Variants in ATP7A observed in about 807,000 individuals in gnomAD.
ATP7A encodes the protein copper-transporting ATPase 1.
A neutral mutation model predicts 83.5 loss-of-function variants in ATP7A; 7 were observed. The ratio of observed to expected loss-of-function variants is 0.08; its 90% CI spans 0.05 to 0.16. ATP7A has a LOEUF of 0.16. Among genes scored for constraint, ATP7A ranks in the 10% least tolerant of loss-of-function variants. The pLI is 1.00. For missense variants in ATP7A, 940 were observed against 1,120.8 expected, an observed-to-expected ratio of 0.84 and a Z score of 2.30; for synonymous variants, 354 against 395.2, an observed-to-expected ratio of 0.90 and a Z score of 1.24.
At chrX:78,025,988 T>C (rs782185379) in intron 14 of ATP7A, among the ~76,000 whole-genome samples, 13 of 111,359 alleles carry the variant, frequency 1.2e-4, no homozygotes, top group South Asian at 3.7e-4. Flanking sequence ...CAAAAACATA[T>C]ATAAATACAA....
At chrX:77,992,833 T>C (rs782773471) in intron 4 of ATP7A, among the ~76,000 whole-genome samples, 1 of 111,938 alleles carries the variant, frequency 8.9e-6, no homozygotes, top group East Asian at 2.8e-4. Flanking sequence ...ACGCTGGTCT[T>C]GAACTCCTGA....
chrX:77,919,687 C>T (rs1184053215), intron 1 of ATP7A, among the ~76,000 whole-genome samples: 1 of 112,020 alleles, frequency 8.9e-6, no homozygotes, highest in African/African-American at 3.2e-5. Context: ...GGGGTTTCAC[C>T]ATGTTGGCCA....
intron 2 of ATP7A, among the ~76,000 whole-genome samples, chrX:77,980,606 C>A (rs1406985171): frequency 1.8e-5 from 2 of 111,463 alleles, no homozygotes; most frequent in Non-Finnish European, 3.8e-5. Context: ...ATTCCTCTCC[C>A]AAGGAAAACC....
intron 1 of ATP7A, among the ~76,000 whole-genome samples, chrX:77,942,259 T>C (rs1317514889): frequency 5.3e-5 from 6 of 112,288 alleles, no homozygotes; most frequent in Non-Finnish European, 9.4e-5. Context: ...CCTCTGTAAT[T>C]GCTCATCCAT....
intron 17 of ATP7A, among the ~76,000 whole-genome samples, chrX:78,037,550 G>A (rs1363585671): frequency 2.7e-5 from 3 of 111,311 alleles, no homozygotes; most frequent in Non-Finnish European, 3.8e-5. Flanking sequence ...GAAAGAGAGA[G>A]TTAAGTACTG....
Position 78,048,012 on chromosome X carries a change from A to T in ATP7A, c.*1442A>T, listed in dbSNP as rs1189685164. 8.9e-6 allele frequency: 1 copy of T among 112,571 alleles called. No homozygotes were observed. Among genetic ancestry groups the T allele is most frequent in the African/African-American group, 3.2e-5 (1 of 31,026 alleles). The allele number at this position is 112,571 out of a possible 1,213,427, so 9.3% of individuals were successfully genotyped here. A position where few individuals can be genotyped will look rare whatever the true frequency, so the allele number is the denominator to read the frequency against. The stretch of plus-strand genomic sequence containing the variant: ...ATTACACAAAGCTGCATTTACCAAA[A>T]AATACAGTAAAATCATAATACAGAA... On this transcript the variant is annotated 3_prime_UTR_variant, in exon 23 of 23. Coordinates refer to ENST00000341514, the MANE Select transcript of ATP7A (RefSeq NM_000052.7).
chrX:77,988,376 T>C lies in ATP7A; in HGVS notation c.255T>C (p.Thr85=), dbSNP rs1557231589. The C allele has an allele frequency of 8.3e-7, 1 of 1,211,687 alleles. No individual in the cohort carries two copies. The highest frequency in any genetic ancestry group is 2.2e-5 in the Admixed American group (1 of 46,006). ...ATCCTGACCCTCTCCCTGTTTTAAC[T>C]GACACCTTGTTTCTGACTGTTACGG... The part of the protein sequence containing the change: ...IHNPDPLPVL[T]DTLFLTVTAS... Residue 85 remains threonine, a synonymous_variant, in exon 3 of 23, where the codon ACT becomes ACC. Coordinates refer to ENST00000341514, the MANE Select transcript of ATP7A (RefSeq NM_000052.7).
intron 2 of ATP7A, among the ~76,000 whole-genome samples, chrX:77,983,836 C>A (rs1322864168): frequency 9.1e-6 from 1 of 110,385 alleles, no homozygotes; most frequent in Non-Finnish European, 1.9e-5. Flanking sequence ...AGGCGCCCGC[C>A]ACCATGCCCA....
chrX:78,043,963 C>T (rs1004412620), intron 21 of ATP7A, among the ~76,000 whole-genome samples: 4 of 106,599 alleles, frequency 3.8e-5, no homozygotes, highest in East Asian at 6.2e-4. Context: ...CAGCCTTCAA[C>T]TTTGTATTTT....
At chrX:77,945,049 C>A (rs1170530110) in intron 1 of ATP7A, among the ~76,000 whole-genome samples, 1 of 110,902 alleles carries the variant, frequency 9.0e-6, no homozygotes, top group Non-Finnish European at 1.9e-5. Flanking sequence ...TGGAGTTTCA[C>A]CATGTTGGCC....
intron 6 of ATP7A, 131 bp from the exon 7 acceptor site, chrX:78,008,971 G>A (rs967065652): frequency 1.2e-5 from 8 of 671,822 alleles, no homozygotes; most frequent in Non-Finnish European, 1.6e-5. Context: ...AGCCGAGATC[G>A]CACCACTGCA....
chrX:77,949,432 G>C (rs2077401527), intron 1 of ATP7A, among the ~76,000 whole-genome samples: 1 of 111,942 alleles, frequency 8.9e-6, no homozygotes, highest in African/African-American at 3.2e-5. Flanking sequence ...CAGTAACTTT[G>C]CTACTCACCT....
intron 4 of ATP7A, 122 bp downstream of exon 4, chrX:77,990,080 C>T: frequency 2.2e-6 from 2 of 900,561 alleles, no homozygotes; most frequent in East Asian, 6.3e-5. Flanking sequence ...GCAAATATGT[C>T]CTATGGAGGT....
intron 1 of ATP7A, among the ~76,000 whole-genome samples, chrX:77,917,781 T>C (rs2149040102): frequency 8.9e-6 from 1 of 112,296 alleles, no homozygotes; most frequent in Non-Finnish European, 1.9e-5. Flanking sequence ...TTAGGTTATG[T>C]TCTACATTTG....
intron 7 of ATP7A, among the ~76,000 whole-genome samples, chrX:78,010,696 C>T (rs975529975): frequency 1.8e-4 from 19 of 102,710 alleles, no homozygotes; most frequent in Non-Finnish European, 3.5e-4. Context: ...TCTCCTGTCT[C>T]AGCTTCCCGA....
At chrX:77,921,487 TACTA>T (rs1381177039) in intron 1 of ATP7A, among the ~76,000 whole-genome samples, 6 of 112,440 alleles carry the variant, frequency 5.3e-5, no homozygotes, top group African/African-American at 1.6e-4. Flanking sequence ...ATCTGTCACT[TACTA>T]ACTATGTGAC....
At chrX:77,963,495 A>T (rs1235506810) in intron 1 of ATP7A, 4 of 112,495 alleles carry the variant, frequency 3.6e-5, no homozygotes, top group African/African-American at 1.3e-4. Context: ...ATGAATCAGG[A>T]CTTTGTTGAC....
chrX:78,036,602 C>T (rs1274544670), intron 17 of ATP7A, among the ~76,000 whole-genome samples: 1 of 111,415 alleles, frequency 9.0e-6, no homozygotes, highest in African/African-American at 3.3e-5. Flanking sequence ...AAAAGTAAAC[C>T]GGGCGCGGTG....
chrX:77,972,405 T>G (rs782140490), intron 2 of ATP7A, among the ~76,000 whole-genome samples: 1 of 110,600 alleles, frequency 9.0e-6, no homozygotes, highest in African/African-American at 3.3e-5. Context: ...CAGGCTGGAG[T>G]GCAGTGGCAC....
Sources: allele counts gnomAD v4.1 joint callset (sites outside exome capture counted in the v4.1 genomes callset), GRCh38; gene constraint gnomAD v4.1.1; transcripts MANE v1.5; gene names NCBI Gene and HGNC (gene_info 2026-07-23, HGNC 2026-07-21).